KNDC1: variants seen among roughly 807,000 people sequenced by gnomAD.
KNDC1 encodes the protein kinase non-catalytic C-lobe domain containing 1, also known as kinase non-catalytic C-lobe domain-containing protein 1.
KNDC1 carries 106 observed loss-of-function variants against 172.8 expected under a neutral mutation model. That is an observed-to-expected ratio of 0.61 (90% CI 0.52 to 0.72). The LOEUF (loss-of-function observed/expected upper bound fraction) is 0.72. KNDC1 is among the 30% of genes least tolerant of loss of function. KNDC1 has a pLI of 0.00. For synonymous variants in KNDC1, 1,083 were observed against 1,062.2 expected (o/e 1.02, Z -0.38); for missense variants, 2,325 against 2,394.5 (o/e 0.97, Z 0.61).
chr10:133,200,525 G>A (rs1854332896), intron 16 of KNDC1, 65 bp downstream of exon 16: 4 of 1,238,572 alleles, frequency 3.2e-6, no homozygotes, highest in East Asian at 3.1e-5. Flanking sequence ...TCTCTGCAAT[G>A]CGGGGGGCGC....
At chr10:133,189,907 G>A (rs1480104137) in intron 9 of KNDC1, 94 bp downstream of exon 9, 12 of 1,076,638 alleles carry the variant, frequency 1.1e-5, no homozygotes, top group South Asian at 4.0e-5. Flanking sequence ...ATCAGGACTC[G>A]AGGGAGTCAG....
At chr10:133,186,823 C>T (rs1589750942) in intron 6 of KNDC1, 149 bp downstream of exon 6, 1 of 662,790 alleles carries the variant, frequency 1.5e-6, no homozygotes, top group Non-Finnish European at 2.5e-6. Flanking sequence ...ATTGAGCTGC[C>T]CCGTTTCTGA....
chr10:133,196,962 A>G, intron 10 of KNDC1, 96 bp from the exon 11 acceptor site: 1 of 939,730 alleles, frequency 1.1e-6, no homozygotes, highest in Non-Finnish European at 1.7e-6. Context: ...CCCTCCTGGC[A>G]GCCCTGAGCT....
chr10:133,196,008 G>A (rs548898732), intron 10 of KNDC1, among the ~76,000 whole-genome samples, 187 bp downstream of exon 10: 16 of 152,334 alleles, frequency 1.1e-4, no homozygotes, highest in East Asian at 7.7e-4. Context: ...AGTGGGTTTC[G>A]CGTCATGGCC....
At chr10:133,201,949 G>A (rs535220124) in intron 17 of KNDC1, 51 bp downstream of exon 17, 43 of 1,517,674 alleles carry the variant, frequency 2.8e-5, no homozygotes, top group Admixed American at 2.4e-4. Flanking sequence ...TCTCCTTCCA[G>A]CAGAGCTTCC....
intron 26 of KNDC1, among the ~76,000 whole-genome samples, chr10:133,216,312 C>T (rs537203960): frequency 2.0e-5 from 3 of 151,812 alleles, no homozygotes; most frequent in East Asian, 1.9e-4. Context: ...TTGGTGGCAC[C>T]GTTTAGACGA....
In KNDC1 at chr10:133,188,589, G is replaced by C. The variant is rs1197347784; in HGVS notation, c.1377G>C (p.Glu459Asp). 1 of 1,595,930 alleles carries C rather than the reference G, an allele frequency of 6.3e-7. No individual in the cohort carries two copies. The highest frequency in any genetic ancestry group is 1.3e-5 in the African/African-American group (1 of 74,884). ...LLSQLGRPFR[E>D]YELWALCLAC... ...CCCAGCTGGGCCGGCCCTTCCGGGA[G>C]TACGAGCTGTGGGCCCTGTGCCTGG... The change falls in exon 7 of 30, where the codon GAG (glutamate) becomes GAC (aspartate). Residue 459 changes from glutamate (E) to aspartate (D), a missense_variant. Coordinates refer to ENST00000304613, the MANE Select transcript of KNDC1 (RefSeq NM_152643.8).
chr10:133,176,546 G>C (rs560069565), intron 3 of KNDC1, among the ~76,000 whole-genome samples: 1 of 152,254 alleles, frequency 6.6e-6, no homozygotes, highest in South Asian at 2.1e-4. Flanking sequence ...TGCTCGGCCG[G>C]GTTTTCAAAC....
chr10:133,164,812 G>A (rs1441452474), intron 1 of KNDC1, among the ~76,000 whole-genome samples: 1 of 152,200 alleles, frequency 6.6e-6, no homozygotes, highest in African/African-American at 2.4e-5. Flanking sequence ...TTGTCTGCTG[G>A]GATGTGGCGG....
chr10:133,175,653 G>C (rs1853514451), intron 3 of KNDC1, among the ~76,000 whole-genome samples: 1 of 151,110 alleles, frequency 6.6e-6, no homozygotes, highest in South Asian at 2.1e-4. Context: ...ATTGATGGGT[G>C]GATAGATGGG....
At chr10:133,206,307 G>A (rs1050639120) in intron 17 of KNDC1, among the ~76,000 whole-genome samples, 6 of 152,256 alleles carry the variant, frequency 3.9e-5, no homozygotes, top group African/African-American at 9.6e-5. Context: ...CCCCAGCCCC[G>A]CCCACAATGT....
At chr10:133,195,288 A>G (rs77838413) in intron 9 of KNDC1, among the ~76,000 whole-genome samples, 3,342 of 152,174 alleles carry the variant, frequency 0.022, 46 homozygotes, top group Middle Eastern at 0.034. Flanking sequence ...TTCCGGGAGC[A>G]GGCACCAGTC....
At chr10:133,198,187 G>C (rs1401168311) in intron 12 of KNDC1, 150 bp from the exon 13 acceptor site, 2 of 956,472 alleles carry the variant, frequency 2.1e-6, no homozygotes, top group Non-Finnish European at 3.0e-6. Flanking sequence ...CCATTCCAGG[G>C]CCCAGCACAG....
intron 16 of KNDC1, 138 bp from the exon 17 acceptor site, chr10:133,201,363 C>T (rs896704463): frequency 1.5e-5 from 14 of 933,326 alleles, no homozygotes; most frequent in East Asian, 7.5e-5. Flanking sequence ...CAGCCGTGCC[C>T]GGGGGGCGCC....
intron 9 of KNDC1, among the ~76,000 whole-genome samples, chr10:133,190,209 G>A (rs756828554): frequency 7.2e-5 from 11 of 152,080 alleles, no homozygotes; most frequent in South Asian, 2.1e-4. Flanking sequence ...TGTACTTCCC[G>A]CTCCTCCCAC....
intron 29 of KNDC1, among the ~76,000 whole-genome samples, chr10:133,221,848 GCCACTCA>G (rs1845596453): frequency 3.4e-5 from 3 of 89,430 alleles, no homozygotes; most frequent in Non-Finnish European, 7.2e-5. Context: ...GCTGGGTGCA[GCCACTCA>G]CGCCTGTAAC....
intron 3 of KNDC1, among the ~76,000 whole-genome samples, chr10:133,168,729 C>T (rs1319080091): frequency 4.6e-5 from 7 of 152,242 alleles, no homozygotes. Context: ...AGGGAGTTAG[C>T]AGCCGGGCCA....
At position 133,198,803 on chromosome 10, in the gene KNDC1, C is replaced by T. The variant is rs1367239908; in HGVS notation, c.2295C>T (p.Ala765=). 6.9e-6 allele frequency: 11 copies of T among 1,593,688 alleles called. No individual in the cohort carries two copies. In the Admixed American group the frequency reaches 1.0e-4, roughly 15 times the overall value. ...GCCGCCCCTGCCCTCCACCCCAGGC[C>T]CCAGCAAACCAGCCAGAGGGGGCCT... is the stretch of plus-strand genomic sequence containing the variant. ...AQGRPCPPPQ[A]PANQPEGASS... is the part of the protein sequence containing the mutation. Residue 765 remains alanine (A), a synonymous_variant, in exon 14 of 30, where the codon GCC becomes GCT. Coordinates refer to ENST00000304613, the MANE Select transcript of KNDC1 (RefSeq NM_152643.8).
chr10:133,177,432 A>G (rs1853571330), intron 3 of KNDC1, among the ~76,000 whole-genome samples: 1 of 124,116 alleles, frequency 8.1e-6, no homozygotes. Flanking sequence ...GATGGTGTGC[A>G]TGAATGTAAT....
Sources: allele counts gnomAD v4.1 joint callset (sites outside exome capture counted in the v4.1 genomes callset), GRCh38; gene constraint gnomAD v4.1.1; transcripts MANE v1.5; gene names NCBI Gene and HGNC (gene_info 2026-07-23, HGNC 2026-07-21).